Variants in MS4A10 observed in about 807,000 individuals in gnomAD.
The protein encoded by MS4A10 is membrane-spanning 4-domains subfamily A member 10.
A neutral mutation model predicts 27.7 loss-of-function variants in MS4A10; 27 were observed. That is an observed-to-expected ratio of 0.98 (90% confidence interval 0.72 to 1.35). The LOEUF is 1.35. MS4A10 is among the 40% of genes most tolerant of loss of function. The pLI is 0.00. For missense variants in MS4A10, 338 were observed against 324.7 expected (o/e 1.04, Z -0.32); for synonymous variants, 139 against 131.2 (o/e 1.06, Z -0.41).
At chr11:60,790,626 A>G (rs2134750044) in intron 2 of MS4A10, 108 bp downstream of exon 2, 1 of 1,222,790 alleles carries the variant, frequency 8.2e-7, no homozygotes, top group Non-Finnish European at 1.1e-6. Flanking sequence ...GAAAGGCTCC[A>G]GCTTTCCTGC....
intron 4 of MS4A10, 47 bp from the exon 5 acceptor site, chr11:60,793,925 A>G (rs1854476907): frequency 2.5e-6 from 4 of 1,606,546 alleles, no homozygotes; most frequent in Non-Finnish European, 3.4e-6. Flanking sequence ...ACCTAGCCCC[A>G]GGTCTCCACC....
At position 60,786,189 on chromosome 11, in the gene MS4A10, GCA is replaced by G. The variant is rs552507721; in HGVS notation, c.-23+790_-23+791del. Among the ~76,000 whole-genome samples the G allele has an allele frequency of 2.8e-3, 355 of 127,132 alleles. 1 individual carries two copies. The highest frequency in any genetic ancestry group is 7.1e-3 in the African/African-American group (221 of 31,006). The allele number at this position is 127,132 out of a possible 152,430, so 83.4% of individuals were successfully genotyped here. ...CACACACATGCACACACACACACAC[GCA>G]CACACACACACACACACACACCCTG... On this transcript the variant is annotated intron_variant, in intron 1 of 7. Coordinates refer to ENST00000308287, the MANE Select transcript of MS4A10 (RefSeq NM_206893.4).
chr11:60,787,743 C>T (rs889395963), intron 1 of MS4A10, among the ~76,000 whole-genome samples: 2 of 152,146 alleles, frequency 1.3e-5, no homozygotes, highest in African/African-American at 2.4e-5. Flanking sequence ...GCCAGCCGGG[C>T]GCAGTGGCTC....
chr11:60,798,272 C>A, intron 6 of MS4A10, 124 bp from the exon 7 acceptor site: 1 of 741,666 alleles, frequency 1.3e-6, no homozygotes, highest in East Asian at 2.5e-5. Context: ...GTCTCTCAAG[C>A]CTCAGTTTCC....
chr11:60,790,802 G>C (rs980737606), intron 2 of MS4A10, among the ~76,000 whole-genome samples, 172 bp from the exon 3 acceptor site: 2 of 152,206 alleles, frequency 1.3e-5, no homozygotes, highest in African/African-American at 4.8e-5. Flanking sequence ...GGCAGCTTCA[G>C]CTCTTTCTGC....
chr11:60,794,577 A>C (rs1382713808), intron 5 of MS4A10, among the ~76,000 whole-genome samples: 1 of 152,216 alleles, frequency 6.6e-6, no homozygotes, highest in Non-Finnish European at 1.5e-5. Flanking sequence ...CTTTGACTCC[A>C]AGCCTGGTGC....
chr11:60,800,062 C>A lies in MS4A10; in HGVS notation c.*153C>A, dbSNP rs1565084728. ...TCAGCCCTCACAGCTCCTGGGAACGCTGTCCTCTCAGATAAGCCATTTCTT... is the reference window on the plus strand; with the variant it reads ...TCAGCCCTCACAGCTCCTGGGAACGATGTCCTCTCAGATAAGCCATTTCTT... On this transcript the variant is annotated 3_prime_UTR_variant, in exon 8 of 8. Transcript: ENST00000308287. 2 of 1,104,016 alleles carry A rather than the reference C, an allele frequency of 1.8e-6. No homozygotes were observed. Among genetic ancestry groups the A allele is most frequent in the Non-Finnish European group, 1.3e-6 (1 of 770,322 alleles). 68.4% of individuals were successfully genotyped at this position (1,104,016 alleles called of 1,614,324 possible). A position where few individuals can be genotyped will look rare whatever the true frequency, so the allele number is the denominator to read the frequency against.
intron 1 of MS4A10, among the ~76,000 whole-genome samples, chr11:60,788,609 C>A (rs1338446238): frequency 2.6e-5 from 4 of 152,202 alleles, no homozygotes; most frequent in African/African-American, 9.6e-5. Context: ...AGGGACAGTT[C>A]CCAGAGGGAC....
At chr11:60,786,682 G>A (rs947711008) in intron 1 of MS4A10, among the ~76,000 whole-genome samples, 3 of 152,132 alleles carry the variant, frequency 2.0e-5, no homozygotes, top group African/African-American at 7.2e-5. Flanking sequence ...TAGGGATGGG[G>A]TGTACCATGT....
chr11:60,790,401 C>T lies in MS4A10; in HGVS notation c.66C>T (p.Leu22=), dbSNP rs753239805. 1 of 1,614,210 alleles carries T rather than the reference C, an allele frequency of 6.2e-7. No individual in the cohort carries two copies. The highest frequency in any genetic ancestry group is 8.5e-7 in the Non-Finnish European group (1 of 1,180,040). ...CARGLPSWQV[L]SPVQPWQTSA... ...GGGGGCTCCCATCATGGCAAGTCCT[C>T]AGCCCAGTCCAGCCCTGGCAGACAA... The change falls in exon 2 of 8, where the codon CTC becomes CTT. Residue 22 remains leucine (L), a synonymous_variant. Coordinates refer to ENST00000308287, the MANE Select transcript of MS4A10 (RefSeq NM_206893.4).
intron 6 of MS4A10, among the ~76,000 whole-genome samples, chr11:60,796,369 G>A (rs1854532090): frequency 2.0e-5 from 3 of 152,024 alleles, no homozygotes; most frequent in South Asian, 2.1e-4. Context: ...TGCAACCTCC[G>A]CCTCCCGGGT....
intron 6 of MS4A10, among the ~76,000 whole-genome samples, chr11:60,796,531 C>T (rs1455234980): frequency 6.6e-6 from 1 of 152,212 alleles, no homozygotes; most frequent in Non-Finnish European, 1.5e-5. Flanking sequence ...AGTGATCCAC[C>T]ACCCATGGCC....
rs1386392496 is a variant in MS4A10, at chr11:60,798,503, G to A, written c.711G>A (p.Lys237=). 1 of 1,613,814 alleles carries A rather than the reference G, an allele frequency of 6.2e-7. No individual in the cohort carries two copies. Among genetic ancestry groups the A allele is most frequent in the South Asian group, 1.1e-5 (1 of 91,054 alleles). The stretch of plus-strand genomic sequence containing the variant: ...TGATTCAAGGCGACGCACAACACAA[G>A]CAACATCAGAGGTGAAGAGGTTTGG... ...QSVIQGDAQH[K]QHQRLREVKQ... The change falls in exon 7 of 8, where the codon AAG becomes AAA. Residue 237 remains lysine, a synonymous_variant. Transcript: ENST00000308287.
rs1429966188 is a variant in MS4A10, at chr11:60,791,042, C to T, written c.252C>T (p.Asn84=). The T allele has an allele frequency of 6.2e-7, 1 of 1,614,184 alleles. No homozygotes were observed. Among genetic ancestry groups the T allele is most frequent in the Non-Finnish European group, 8.5e-7 (1 of 1,180,036 alleles). ...FGGYLASIVK[N]LHLVVLKSWY... ...GCTACCTGGCCTCTATAGTCAAGAA[C>T]CTTCACCTGGTGGTGCTGAAGTCTT... The change falls in exon 3 of 8, where the codon AAC becomes AAT. Residue 84 remains asparagine, a synonymous_variant. Transcript: ENST00000308287.
chr11:60,791,014 G>C lies in MS4A10; in HGVS notation c.224G>C (p.Gly75Ala), dbSNP rs375744014. 25 of 1,613,998 alleles carry C rather than the reference G, an allele frequency of 1.5e-5. No individual in the cohort carries two copies. In the African/African-American group the frequency reaches 3.1e-4, roughly 20 times the overall value. The change falls in exon 3 of 8, where the codon GGG (glycine) becomes GCG (alanine). Residue 75 changes from glycine (G) to alanine (A), a missense_variant. Gly to Ala is a moderately conservative substitution (Grantham distance 60). Coordinates refer to ENST00000308287, the MANE Select transcript of MS4A10 (RefSeq NM_206893.4). Reference protein sequence around the residue: ...ITIALLHLVFGGYLASIVKNL... With the variant: ...ITIALLHLVFAGYLASIVKNL... ...ATCGCTCTGCTGCACCTGGTCTTTG[G>C]GGGCTACCTGGCCTCTATAGTCAAG... is the stretch of plus-strand genomic sequence containing the variant.
At position 60,791,011 on chromosome 11, in the gene MS4A10, T is replaced by G; in HGVS notation, c.221T>G (p.Phe74Cys). ...ACCATCGCTCTGCTGCACCTGGTCT[T>G]TGGGGGCTACCTGGCCTCTATAGTC... is the stretch of plus-strand genomic sequence containing the variant. The part of the protein sequence containing the change: ...HITIALLHLV[F>C]GGYLASIVKN... Residue 74 changes from phenylalanine to cysteine, a missense_variant, in exon 3 of 8, where the codon TTT becomes TGT. By Grantham distance (205) the Phe-to-Cys change is radical. Coordinates refer to ENST00000308287, the MANE Select transcript of MS4A10 (RefSeq NM_206893.4). 6.2e-7 allele frequency: 1 copy of G among 1,614,166 alleles called. No individual in the cohort carries two copies. Among genetic ancestry groups the G allele is most frequent in the Middle Eastern group, 1.6e-4 (1 of 6,062 alleles).
chr11:60,798,410 C>G lies in MS4A10; in HGVS notation c.618C>G (p.Cys206Trp), dbSNP rs138293786. The change falls in exon 7 of 8, where the codon TGC becomes TGG. Residue 206 changes from cysteine to tryptophan, a missense_variant. Transcript: ENST00000308287. ...DCPSAKNDDA[C>W]LVPNTPLHLK... ...TTCTTTCGCAGAATGATGATGCATG[C>G]CTTGTTCCGAATACACCATTGCATC... The G allele has an allele frequency of 1.9e-6, 3 of 1,613,686 alleles. No individual in the cohort carries two copies. The highest frequency in any genetic ancestry group is 2.5e-6 in the Non-Finnish European group (3 of 1,179,772).
chr11:60,795,644 AG>A lies in MS4A10; in HGVS notation c.586del (p.Asp196ThrfsTer34). 1 of 1,587,102 alleles carries A rather than the reference AG, an allele frequency of 6.3e-7. No individual in the cohort carries two copies. The highest frequency in any genetic ancestry group is 2.3e-5 in the East Asian group (1 of 42,680). On this transcript the variant is annotated frameshift_variant, in exon 6 of 8. Transcript: ENST00000308287. LOFTEE classifies it high-confidence loss of function. The part of the protein sequence containing the change: ...PVPTAVTAWR[G>X]DCPSAKNDDA... ...TGCCCACAGCTGTCACAGCCTGGAG[AG>A]GGGACTGCCCATCTGCAAAGGTAAG...
intron 1 of MS4A10, among the ~76,000 whole-genome samples, chr11:60,786,115 C>T (rs1245985487): frequency 1.3e-5 from 2 of 151,900 alleles, no homozygotes; most frequent in African/African-American, 4.8e-5. Context: ...TGTCACTCAG[C>T]ACCTCTCAAT....
Sources: gnomAD v4.1 joint callset for allele counts (sites outside exome capture counted in the v4.1 genomes callset) on GRCh38, gnomAD v4.1.1 for gene constraint, MANE v1.5 for transcripts, NCBI Gene and HGNC (gene_info 2026-07-23, HGNC 2026-07-21) for gene names.